NEUROD4: variants seen among roughly 807,000 people sequenced by gnomAD.
NEUROD4 encodes the protein neurogenic differentiation factor 4.
In NEUROD4, 16 loss-of-function variants were observed where a neutral mutation model predicts 19.8. The observed-to-expected ratio is 0.81, with a 90% CI of 0.55 to 1.23. The LOEUF (loss-of-function observed/expected upper bound fraction) is 1.23, where lower values mean the gene tolerates loss of function less well. NEUROD4 is among the 50% of genes most tolerant of loss of function. NEUROD4 has a pLI of 0.00. For missense variants in NEUROD4, 439 were observed against 398.6 expected, an observed-to-expected ratio of 1.10 and a Z score of -0.86; for synonymous variants, 153 against 147.9, an observed-to-expected ratio of 1.03 and a Z score of -0.25.
Position 55,026,600 on chromosome 12 carries a change from T to C in NEUROD4, c.161T>C (p.Ile54Thr). The C allele has an allele frequency of 1.2e-6, 2 of 1,613,620 alleles. No individual in the cohort carries two copies. Among genetic ancestry groups the C allele is most frequent in the Non-Finnish European group, 1.7e-6 (2 of 1,179,820 alleles). The change falls in exon 2 of 2, where the codon ATT becomes ACT. Residue 54 changes from isoleucine (I) to threonine (T), a missense_variant. By Grantham distance (89) the Ile-to-Thr change is moderately conservative. Transcript: ENST00000242994. Reference protein sequence around the residue: ...LSSLTEEHDSIEEEEEEEEDG... With the variant: ...LSSLTEEHDSTEEEEEEEEDG... ...AGCTTAACTGAAGAGCATGACAGTA[T>C]TGAGGAAGAAGAAGAAGAGGAAGAA...
At chr12:55,022,921 C>T (rs1426932557) in intron 1 of NEUROD4, among the ~76,000 whole-genome samples, 1 of 152,120 alleles carries the variant, frequency 6.6e-6, no homozygotes, top group Non-Finnish European at 1.5e-5. Flanking sequence ...TATACCTATT[C>T]TTGTCCAAGT....
At chr12:55,023,152 A>T (rs2136238605) in intron 1 of NEUROD4, among the ~76,000 whole-genome samples, 1 of 152,250 alleles carries the variant, frequency 6.6e-6, no homozygotes, top group Non-Finnish European at 1.5e-5. Flanking sequence ...TCTAGTGAGT[A>T]GTGGAGCTGA....
chr12:55,020,503 T>C (rs927176796), intron 1 of NEUROD4, among the ~76,000 whole-genome samples, 190 bp downstream of exon 1: 1 of 152,180 alleles, frequency 6.6e-6, no homozygotes, highest in African/African-American at 2.4e-5. Context: ...TTAAATAATT[T>C]TATTAAATTT....
intron 1 of NEUROD4, among the ~76,000 whole-genome samples, chr12:55,025,712 G>A (rs1952720971): frequency 6.6e-6 from 1 of 152,166 alleles, no homozygotes; most frequent in African/African-American, 2.4e-5. Context: ...GTCACGTGTT[G>A]GACCAGCCAG....
intron 1 of NEUROD4, among the ~76,000 whole-genome samples, chr12:55,022,314 AC>A (rs1017767228): frequency 1.6e-4 from 25 of 152,132 alleles, no homozygotes; most frequent in African/African-American, 5.5e-4. Flanking sequence ...TCTGGAGACA[AC>A]CCTTGGTTTC....
Position 55,026,553 on chromosome 12 carries a change from A to G in NEUROD4, c.114A>G (p.Pro38=). ...QNEVKEEESR[P]GTYGMLSSLT... ...AGGTGAAGGAGGAAGAGAGCAGACCAGGTACTTATGGGATGCTCAGCAGCT... is the reference window on the plus strand; with the variant it reads ...AGGTGAAGGAGGAAGAGAGCAGACCGGGTACTTATGGGATGCTCAGCAGCT... Residue 38 remains proline (P), a synonymous_variant, in exon 2 of 2, where the codon CCA becomes CCG. Transcript: ENST00000242994. 1.2e-6 allele frequency: 2 copies of G among 1,614,094 alleles called. 1 individual carries two copies.
At position 55,020,219 on chromosome 12, in the gene NEUROD4, T is replaced by C. The variant is rs59908731; in HGVS notation, c.-104T>C. On this transcript the variant is annotated 5_prime_UTR_variant, in exon 1 of 2. Coordinates refer to ENST00000242994, the MANE Select transcript of NEUROD4 (RefSeq NM_021191.3). ...GACATGGATCGCTGAAAGCGTCTCTTCTACCATCTGGATGGTCAGGGAGAC... is the reference window on the plus strand; with the variant it reads ...GACATGGATCGCTGAAAGCGTCTCTCCTACCATCTGGATGGTCAGGGAGAC... The C allele has an allele frequency of 0.32, 47,953 of 151,924 alleles. 8,328 individuals carry two copies. Among genetic ancestry groups the C allele is most frequent in the African/African-American group, 0.46 (19,128 of 41,372 alleles). The allele number at this position is 151,924 out of a possible 1,614,324, so 9.4% of individuals were successfully genotyped here.
At position 55,027,355 on chromosome 12, in the gene NEUROD4, GATGTTCCTATAGAC is replaced by G; in HGVS notation, c.921_934del (p.Pro308LeufsTer2). 1.9e-6 allele frequency: 3 copies of G among 1,614,066 alleles called. No individual in the cohort carries two copies. Among genetic ancestry groups the G allele is most frequent in the Non-Finnish European group, 2.5e-6 (3 of 1,179,946 alleles). The stretch of plus-strand genomic sequence containing the variant: ...TTTTCAGGCTGGTACCCCCCGTTAT[GATGTTCCTATAGAC>G]ATGTCCTATGATTCCTACCCCCATC... On this transcript the variant is annotated frameshift_variant, in exon 2 of 2. Coordinates refer to ENST00000242994, the MANE Select transcript of NEUROD4 (RefSeq NM_021191.3). LOFTEE classifies it high-confidence loss of function.
chr12:55,021,565 A>G (rs1438541064), intron 1 of NEUROD4, among the ~76,000 whole-genome samples: 1 of 152,240 alleles, frequency 6.6e-6, no homozygotes, highest in Non-Finnish European at 1.5e-5. Context: ...GAATTCCAGG[A>G]TAGCTTCACA....
At chr12:55,026,373 A>G in intron 1 of NEUROD4, 58 bp from the exon 2 acceptor site, 2 of 1,443,422 alleles carry the variant, frequency 1.4e-6, no homozygotes, top group South Asian at 1.4e-5. Flanking sequence ...AAAAAACTTT[A>G]GTTTCAAATA....
At chr12:55,022,651 T>C (rs1952682478) in intron 1 of NEUROD4, among the ~76,000 whole-genome samples, 1 of 152,068 alleles carries the variant, frequency 6.6e-6, no homozygotes, top group Admixed American at 6.5e-5. Flanking sequence ...AAGCTAACTG[T>C]TTTCTCCCAA....
chr12:55,028,115 G>T lies in NEUROD4; in HGVS notation c.*680G>T. ...GAAGAACAAAACATGTTCGTTAAGAGACTAACTCTATTTGTTATTAGACTA... is the reference window on the plus strand; with the variant it reads ...GAAGAACAAAACATGTTCGTTAAGATACTAACTCTATTTGTTATTAGACTA... On this transcript the variant is annotated 3_prime_UTR_variant, in exon 2 of 2. Transcript: ENST00000242994. The T allele has an allele frequency of 6.0e-6, 1 of 166,964 alleles. No homozygotes were observed. 10.3% of individuals were successfully genotyped at this position (166,964 alleles called of 1,614,324 possible).
chr12:55,027,241 G>C lies in NEUROD4; in HGVS notation c.802G>C (p.Asp268His). 1 of 1,614,114 alleles carries C rather than the reference G, an allele frequency of 6.2e-7. No homozygotes were observed. The highest frequency in any genetic ancestry group is 8.5e-7 in the Non-Finnish European group (1 of 1,180,014). ...SISGNFSLKQDGSPDLEKSYS... is the reference protein window; with the variant it reads ...SISGNFSLKQHGSPDLEKSYS... ...CAGTGGGAACTTCTCCTTGAAGCAAGATGGGTCTCCTGACCTAGAAAAATC... is the reference window on the plus strand; with the variant it reads ...CAGTGGGAACTTCTCCTTGAAGCAACATGGGTCTCCTGACCTAGAAAAATC... The change falls in exon 2 of 2, where the codon GAT (aspartate) becomes CAT (histidine). Residue 268 changes from aspartate (D) to histidine (H), a missense_variant. By Grantham distance (81) the Asp-to-His change is moderately conservative. Coordinates refer to ENST00000242994, the MANE Select transcript of NEUROD4 (RefSeq NM_021191.3).
In NEUROD4 at chr12:55,026,664, G is replaced by T. The variant is rs770938156; in HGVS notation, c.225G>T (p.Lys75Asn). 4 of 1,614,008 alleles carry T rather than the reference G, an allele frequency of 2.5e-6. No homozygotes were observed. Among genetic ancestry groups the T allele is most frequent in the African/African-American group, 2.7e-5 (2 of 74,920 alleles). ...CTAAGAGAAGGGGTCCCAAGAAAAA[G>T]AAGATGACCAAAGCTCGCCTTGAGA... ...EKPKRRGPKK[K>N]KMTKARLERF... The change falls in exon 2 of 2, where the codon AAG (lysine) becomes AAT (asparagine). Residue 75 changes from lysine (K) to asparagine (N), a missense_variant. Transcript: ENST00000242994.
At chr12:55,026,352 T>C (rs1952728234) in intron 1 of NEUROD4, 79 bp from the exon 2 acceptor site, 1 of 1,243,536 alleles carries the variant, frequency 8.0e-7, no homozygotes, top group Non-Finnish European at 1.1e-6. Context: ...TTGGACAAGA[T>C]AATTACATAT....
In NEUROD4 at chr12:55,029,046, T is replaced by C. The variant is rs563921958; in HGVS notation, c.*1611T>C. 85 of 167,190 alleles carry C rather than the reference T, an allele frequency of 5.1e-4. No individual in the cohort carries two copies. The highest frequency in any genetic ancestry group is 1.1e-3 in the Non-Finnish European group (77 of 68,102). 10.4% of individuals were successfully genotyped at this position (167,190 alleles called of 1,614,324 possible). ...AAGTTTAACATGCAGGGTACATCAATAGGGCCAATTTAAAAAATGATAACA... is the reference window on the plus strand; with the variant it reads ...AAGTTTAACATGCAGGGTACATCAACAGGGCCAATTTAAAAAATGATAACA... On this transcript the variant is annotated 3_prime_UTR_variant, in exon 2 of 2. Coordinates refer to ENST00000242994, the MANE Select transcript of NEUROD4 (RefSeq NM_021191.3).
intron 1 of NEUROD4, among the ~76,000 whole-genome samples, chr12:55,020,742 G>A (rs530198067): frequency 1.1e-3 from 166 of 152,268 alleles, no homozygotes; most frequent in Non-Finnish European, 1.9e-3. Flanking sequence ...ATGCAAGGAC[G>A]GAGGGGGAGG....
rs1332774671 is a variant in NEUROD4, at chr12:55,026,995, C to T, written c.556C>T (p.His186Tyr). 2 of 1,614,028 alleles carry T rather than the reference C, an allele frequency of 1.2e-6. No homozygotes were observed. The highest frequency in any genetic ancestry group is 3.3e-5 in the Admixed American group (2 of 60,010). Residue 186 changes from histidine (H) to tyrosine (Y), a missense_variant, in exon 2 of 2, where the codon CAC (histidine) becomes TAC (tyrosine). His to Tyr is a moderately conservative substitution (Grantham distance 83). Transcript: ENST00000242994. ...CCCTCAGTCTGTCCTCCTGGAGAAG[C>T]ACGAGGATAAATCTCCTATTTGTGA... ...LGPQSVLLEK[H>Y]EDKSPICDSA...
In NEUROD4 at chr12:55,026,729, G is replaced by A. The variant is rs139282092; in HGVS notation, c.290G>A (p.Arg97Gln). The change falls in exon 2 of 2, where the codon CGG becomes CAG. Residue 97 changes from arginine to glutamine, a missense_variant. Arg to Gln is a conservative substitution (Grantham distance 43, BLOSUM62 1). Transcript: ENST00000242994. Reference sequence around the variant, plus strand: ...AGAGTCAAGGCTAATGCCAGAGAACGGACCCGGATGCATGGCCTGAATGAC... The same window carrying A: ...AGAGTCAAGGCTAATGCCAGAGAACAGACCCGGATGCATGGCCTGAATGAC... ...ARRVKANARE[R>Q]TRMHGLNDAL... is the part of the protein sequence containing the mutation. The A allele has an allele frequency of 8.1e-6, 13 of 1,614,182 alleles. No individual in the cohort carries two copies. Among genetic ancestry groups the A allele is most frequent in the Admixed American group, 3.3e-5 (2 of 60,024 alleles).
Sources: allele counts gnomAD v4.1 joint callset (sites outside exome capture counted in the v4.1 genomes callset), GRCh38; gene constraint gnomAD v4.1.1; transcripts MANE v1.5; gene names NCBI Gene and HGNC (gene_info 2026-07-23, HGNC 2026-07-21).